NF1: variants seen among roughly 807,000 people sequenced by gnomAD.
NF1 encodes neurofibromin.
A neutral mutation model predicts 325.7 loss-of-function variants in NF1; 122 were observed. The ratio of observed to expected loss-of-function variants is 0.37; its 90% CI spans 0.32 to 0.44. The LOEUF (loss-of-function observed/expected upper bound fraction) is 0.44. Among genes scored for constraint, NF1 ranks in the 20% least tolerant of loss-of-function variants. NF1 has a pLI of 1.00. For synonymous variants in NF1, 1,091 were observed against 1,186.0 expected (o/e 0.92, Z 1.65); for missense variants, 2,140 against 3,415.4 (o/e 0.63, Z 9.31).
At position 31,349,258 on chromosome 17, in the gene NF1, A is replaced by G. The variant is rs1348655573; in HGVS notation, c.7321+7A>G. The G allele has an allele frequency of 6.2e-7, 1 of 1,611,342 alleles. No individual in the cohort carries two copies. Among genetic ancestry groups the G allele is most frequent in the Non-Finnish European group, 8.5e-7 (1 of 1,179,344 alleles). On this transcript the variant is annotated splice_region_variant and intron_variant, in intron 49 of 57. Transcript: ENST00000358273. ...AGCGTGGCCTACTTAGCAGGTAAAAACACAAAATAAACAAAATTAATCTTG... is the reference window on the plus strand; with the variant it reads ...AGCGTGGCCTACTTAGCAGGTAAAAGCACAAAATAAACAAAATTAATCTTG...
At chr17:31,109,218 C>T (rs934751972) in intron 1 of NF1, among the ~76,000 whole-genome samples, 2 of 152,174 alleles carry the variant, frequency 1.3e-5, no homozygotes, top group South Asian at 2.1e-4. Context: ...TGCAAGTTCA[C>T]TGACCACATT....
In NF1 at chr17:31,095,340, C is replaced by G; in HGVS notation, c.31C>G (p.Gln11Glu). 1 of 1,539,870 alleles carries G rather than the reference C, an allele frequency of 6.5e-7. No homozygotes were observed. Among genetic ancestry groups the G allele is most frequent in the Non-Finnish European group, 8.7e-7 (1 of 1,146,542 alleles). Residue 11 changes from glutamine (Q) to glutamate (E), a missense_variant, in exon 1 of 58, where the codon CAG (glutamine) becomes GAG (glutamate). Physicochemically the swap from Gln to Glu is conservative, Grantham distance 29. Around this residue, in one of 10 missense-constraint regions of NF1, gnomAD observed 246 missense variants for 347.8 expected, o/e 0.71. Transcript: ENST00000358273. MAAHRPVEWV[Q>E]AVVSRFDEQL... ...CGCGCACAGGCCGGTGGAATGGGTC[C>G]AGGCCGTGGTCAGCCGCTTCGACGA...
intron 29 of NF1, among the ~76,000 whole-genome samples, chr17:31,243,733 C>T (rs928744763): frequency 1.3e-5 from 2 of 151,848 alleles, no homozygotes; most frequent in African/African-American, 4.8e-5. Flanking sequence ...TAACCCAGGG[C>T]AGGTCCAGGA....
chr17:31,323,551 C>T (rs1187929273), intron 36 of NF1, among the ~76,000 whole-genome samples: 2 of 152,174 alleles, frequency 1.3e-5, no homozygotes, highest in East Asian at 3.8e-4. Context: ...ATGGTGAGCC[C>T]CTAGTAGAAA....
chr17:31,290,772 G>A (rs1002701025), intron 36 of NF1, among the ~76,000 whole-genome samples: 2 of 152,124 alleles, frequency 1.3e-5, no homozygotes, highest in African/African-American at 2.4e-5. Context: ...TTGGGAGGCC[G>A]AGGCAAGCAG....
rs1166054641 is a variant in NF1, at chr17:31,139,781, TAAGA to T, written c.61-16198_61-16195del. 2.6e-5 allele frequency among the ~76,000 whole-genome samples: 4 copies of T among 152,214 alleles called. No individual in the cohort carries two copies. The East Asian group carries it at 7.7e-4, about 29-fold the overall frequency. The stretch of plus-strand genomic sequence containing the variant: ...TTATGGTATAGAGATTTTCACTCGT[TAAGA>T]AAGTAACAAAGTAAGGAAGTAGGAT... On this transcript the variant is annotated intron_variant, in intron 1 of 57. Coordinates refer to ENST00000358273, the MANE Select transcript of NF1 (RefSeq NM_001042492.3).
At chr17:31,098,467 T>A (rs1911978079) in intron 1 of NF1, among the ~76,000 whole-genome samples, 1 of 152,010 alleles carries the variant, frequency 6.6e-6, no homozygotes. Flanking sequence ...TGGGTTCAAG[T>A]GATTCTCCTG....
intron 8 of NF1, among the ~76,000 whole-genome samples, chr17:31,195,977 A>G (rs1486109511): frequency 6.6e-6 from 1 of 151,794 alleles, no homozygotes; most frequent in Non-Finnish European, 1.5e-5. Flanking sequence ...TCATATGGTT[A>G]TTTTATTTTT....
At chr17:31,129,454 A>ATTTT (rs59199139) in intron 1 of NF1, among the ~76,000 whole-genome samples, 6 of 126,438 alleles carry the variant, frequency 4.7e-5, no homozygotes, top group African/African-American at 1.7e-4. Flanking sequence ...GCATTATGAA[A>ATTTT]TTTTTTTTTT....
chr17:31,324,132 A>G (rs752959562), intron 36 of NF1, among the ~76,000 whole-genome samples: 10 of 152,148 alleles, frequency 6.6e-5, no homozygotes, highest in Non-Finnish European at 1.2e-4. Context: ...CAGTGGCACA[A>G]TCTCAGCTCA....
chr17:31,111,280 G>A (rs1489538695), intron 1 of NF1, among the ~76,000 whole-genome samples: 1 of 151,650 alleles, frequency 6.6e-6, no homozygotes, highest in African/African-American at 2.4e-5. Context: ...TTAGTAAAAA[G>A]TCTAATGTGT....
rs142648828 is a variant in NF1, at chr17:31,270,380, G to A, written c.4835+5041G>A. ...TCCCAGCACTTTGGGAGGCCAAGGC[G>A]GGGAAATCACTTGGGCTCAGGAGTT... On this transcript the variant is annotated intron_variant, in intron 36 of 57. Transcript: ENST00000358273. 2.4e-4 allele frequency among the ~76,000 whole-genome samples: 36 copies of A among 152,284 alleles called. No homozygotes were observed. In the East Asian group the frequency reaches 5.8e-3, roughly 25 times the overall value.
intron 36 of NF1, among the ~76,000 whole-genome samples, chr17:31,275,137 C>T (rs1183603789): frequency 1.3e-5 from 2 of 152,148 alleles, no homozygotes; most frequent in African/African-American, 2.4e-5. Flanking sequence ...TTCAAATACC[C>T]ACCAACTTTG....
At chr17:31,372,195 T>C (rs978513400) in intron 57 of NF1, among the ~76,000 whole-genome samples, 13 of 152,176 alleles carry the variant, frequency 8.5e-5, no homozygotes, top group Admixed American at 7.9e-4. Context: ...AAATATATTT[T>C]TTAGTCCTTT....
At chr17:31,320,177 T>C (rs73275682) in intron 36 of NF1, among the ~76,000 whole-genome samples, 18,287 of 152,070 alleles carry the variant, frequency 0.12, 3,019 homozygotes, top group African/African-American at 0.37. Context: ...TACCAGTTTG[T>C]CTTGAGCTAC....
At chr17:31,147,772 C>T (rs1395802385) in intron 1 of NF1, among the ~76,000 whole-genome samples, 3 of 152,166 alleles carry the variant, frequency 2.0e-5, no homozygotes, top group Non-Finnish European at 4.4e-5. Context: ...ACTCTTTTGT[C>T]CTCTCGAAGC....
intron 1 of NF1, among the ~76,000 whole-genome samples, chr17:31,107,733 T>C (rs1912993008): frequency 1.3e-5 from 2 of 152,194 alleles, no homozygotes. Context: ...CACCTCACTA[T>C]CCTAATTGTT....
At chr17:31,104,862 T>C (rs1369209789) in intron 1 of NF1, among the ~76,000 whole-genome samples, 1 of 152,200 alleles carries the variant, frequency 6.6e-6, no homozygotes, top group Non-Finnish European at 1.5e-5. Flanking sequence ...GCCTGTGATA[T>C]ATAGTTATAT....
chr17:31,130,977 GC>G (rs926406998), intron 1 of NF1, among the ~76,000 whole-genome samples: 5 of 151,560 alleles, frequency 3.3e-5, no homozygotes, highest in Admixed American at 1.3e-4. Flanking sequence ...CTGGTATGTG[GC>G]CCCCCCCGGC....
Sources: allele counts gnomAD v4.1 joint callset (sites outside exome capture counted in the v4.1 genomes callset), GRCh38; gene constraint gnomAD v4.1.1; regional missense constraint gnomAD v4.1.1; transcripts MANE v1.5; gene names NCBI Gene and HGNC (gene_info 2026-07-23, HGNC 2026-07-21).